Variants in KPNA7 observed in about 807,000 individuals in gnomAD.
KPNA7 encodes the protein importin subunit alpha-8.
A neutral mutation model predicts 53.7 loss-of-function variants in KPNA7; 54 were observed. The observed-to-expected ratio is 1.01, with a 90% CI of 0.81 to 1.26. The LOEUF is 1.26. KPNA7 is among the 50% of genes most tolerant of loss of function. KPNA7 has a pLI of 0.00. For missense variants in KPNA7, 640 were observed against 644.5 expected (o/e 0.99, Z 0.07); for synonymous variants, 276 against 259.3 (o/e 1.06, Z -0.62).
Position 99,195,085 on chromosome 7 carries a change from G to A in KPNA7, c.538C>T (p.Leu180Phe), listed in dbSNP as rs1388539128. 1.3e-6 allele frequency: 2 copies of A among 1,551,462 alleles called. No individual in the cohort carries two copies. Among genetic ancestry groups the A allele is most frequent in the South Asian group, 1.2e-5 (1 of 84,054 alleles). Residue 180 changes from leucine to phenylalanine, a missense_variant, in exon 5 of 11, where the codon CTT (leucine) becomes TTT (phenylalanine). Coordinates refer to ENST00000327442, the MANE Select transcript of KPNA7 (RefSeq NM_001145715.3). ...VAVCEQAVWA[L>F]GNIAGDGPEF... is the part of the protein sequence containing the mutation. The stretch of plus-strand genomic sequence containing the variant: ...AGAGTCTCACCGGCTATATTACCAA[G>A]AGCCCACACTGCCTGTTCACACACA...
chr7:99,154,689 AT>A, the KPNA7 span, among the ~76,000 whole-genome samples: 8 of 149,434 alleles, frequency 5.4e-5, no homozygotes, highest in South Asian at 2.1e-4. Context: ...CGCCCGGCTA[AT>A]TTTTTTTTTC....
At chr7:99,191,049 A>G (rs1213975033) in intron 6 of KPNA7, among the ~76,000 whole-genome samples, 1 of 152,032 alleles carries the variant, frequency 6.6e-6, no homozygotes, top group East Asian at 1.9e-4. Context: ...CAATCATCTG[A>G]ACAATCTAAC....
At chr7:99,176,199 G>A (rs1294409301) in intron 10 of KPNA7, among the ~76,000 whole-genome samples, 2 of 151,386 alleles carry the variant, frequency 1.3e-5, no homozygotes, top group Non-Finnish European at 2.9e-5. Context: ...TTGGGAGGCT[G>A]AGGCAGGAGA....
intron 4 of KPNA7, 40 bp downstream of exon 4, chr7:99,196,044 A>G (rs1354252999): frequency 1.3e-6 from 2 of 1,507,874 alleles, no homozygotes; most frequent in Non-Finnish European, 1.8e-6. Context: ...GCTCATTGCT[A>G]ACTATGAACC....
At chr7:99,161,246 TCTCTCTCTCTCTCTC>T in the KPNA7 span, among the ~76,000 whole-genome samples, 3 of 13,036 alleles carry the variant, frequency 2.3e-4, no homozygotes, top group African/African-American at 3.4e-4. Flanking sequence ...TCTCTCTCTC[TCTCTCTCTCTCTCTC>T]TCTCTCTCTG....
At chr7:99,199,072 A>AAAAAAAAAAAAAAAAAAAAAAG (rs1790377936) in intron 3 of KPNA7, among the ~76,000 whole-genome samples, 1 of 127,774 alleles carries the variant, frequency 7.8e-6, no homozygotes, top group African/African-American at 2.8e-5. Context: ...ACTGAAAAAA[A>AAAAAAAAAAAAAAAAAAAAAAG]AAAAAAAAAA....
downstream of KPNA7, among the ~76,000 whole-genome samples, chr7:99,170,765 C>T (rs886218095): frequency 1.3e-5 from 2 of 152,196 alleles, no homozygotes; most frequent in Admixed American, 1.3e-4. Context: ...AAATTTCAGT[C>T]AGTAGAGTTG....
At chr7:99,202,007 CT>C in intron 3 of KPNA7, among the ~76,000 whole-genome samples, 2 of 152,064 alleles carry the variant, frequency 1.3e-5, no homozygotes, top group Non-Finnish European at 2.9e-5. Context: ...TGTGCTTGGC[CT>C]TTTTTCCCTT....
intron 5 of KPNA7, 87 bp downstream of exon 5, chr7:99,194,983 T>C (rs1790150803): frequency 1.4e-6 from 2 of 1,409,146 alleles, no homozygotes; most frequent in Middle Eastern, 1.8e-4. Context: ...TTCTGGGACA[T>C]CGAGTATACC....
At chr7:99,174,150 T>TGC (rs760152338) in intron 10 of KPNA7, among the ~76,000 whole-genome samples, 6 of 152,284 alleles carry the variant, frequency 3.9e-5, no homozygotes, top group Non-Finnish European at 7.4e-5. Flanking sequence ...ACCTGAGCTC[T>TGC]GCCTCCCTGT....
chr7:99,169,816 G>A (rs771651515), downstream of KPNA7, among the ~76,000 whole-genome samples: 9 of 151,120 alleles, frequency 6.0e-5, no homozygotes, highest in Non-Finnish European at 8.9e-5. Context: ...CGAGGTGGGC[G>A]GATCACTTCA....
chr7:99,201,058 C>T (rs369891825), intron 3 of KPNA7, among the ~76,000 whole-genome samples: 19 of 152,200 alleles, frequency 1.2e-4, no homozygotes, highest in Non-Finnish European at 2.2e-4. Flanking sequence ...ATATATGCTA[C>T]AACATGGATG....
At chr7:99,218,906 C>T (rs187834076) in intron 1 of KPNA7, among the ~76,000 whole-genome samples, 4 of 152,376 alleles carry the variant, frequency 2.6e-5, no homozygotes, top group Non-Finnish European at 4.4e-5. Context: ...AGCCGGGGCT[C>T]GTGCACACAT....
chr7:99,151,107 A>G, the KPNA7 span, among the ~76,000 whole-genome samples: 5 of 152,206 alleles, frequency 3.3e-5, no homozygotes, highest in African/African-American at 1.2e-4. Flanking sequence ...ATTATTAGTT[A>G]CTATTCCTGC....
intron 1 of KPNA7, among the ~76,000 whole-genome samples, chr7:99,214,359 C>T (rs1458552445): frequency 4.0e-5 from 6 of 151,360 alleles, no homozygotes; most frequent in Non-Finnish European, 7.4e-5. Context: ...AGGAGAATCA[C>T]TTGAAACTGG....
chr7:99,175,877 A>ATAT (rs1339559753), intron 10 of KPNA7, among the ~76,000 whole-genome samples: 1 of 152,090 alleles, frequency 6.6e-6, no homozygotes, highest in Non-Finnish European at 1.5e-5. Flanking sequence ...CCACCTGGTC[A>ATAT]TATTGATTGT....
chr7:99,154,904 A>G, the KPNA7 span, among the ~76,000 whole-genome samples: 1 of 152,158 alleles, frequency 6.6e-6, no homozygotes, highest in Non-Finnish European at 1.5e-5. Flanking sequence ...AAAAGCTACC[A>G]ATGACAAAAT....
At chr7:99,169,588 G>T (rs1381755250), downstream of KPNA7, among the ~76,000 whole-genome samples, 2 of 152,126 alleles carry the variant, frequency 1.3e-5, no homozygotes, top group African/African-American at 2.4e-5. Flanking sequence ...CTGCACTCCA[G>T]CCTGGGCGAC....
the KPNA7 span, among the ~76,000 whole-genome samples, chr7:99,146,703 C>T: frequency 9.3e-6 from 1 of 106,976 alleles, no homozygotes; most frequent in Non-Finnish European, 1.7e-5. Flanking sequence ...TAGAGCGAGA[C>T]TGTGTCTTAA....
Sources: gnomAD v4.1 joint callset for allele counts (sites outside exome capture counted in the v4.1 genomes callset) on GRCh38, gnomAD v4.1.1 for gene constraint, MANE v1.5 for transcripts, NCBI Gene and HGNC (gene_info 2026-07-23, HGNC 2026-07-21) for gene names.